The following MICU3 variants were observed in gnomAD, a reference collection of about 807,000 sequenced individuals.
The protein encoded by MICU3 is calcium uptake protein 3, mitochondrial.
MICU3 carries 62 observed loss-of-function variants against 66.5 expected under a neutral mutation model. The observed-to-expected ratio is 0.93, with a 90% CI of 0.76 to 1.15. The LOEUF (loss-of-function observed/expected upper bound fraction) is 1.15, where lower values mean the gene tolerates loss of function less well. MICU3 is among the 50% of genes most tolerant of loss of function. MICU3 has a pLI of 0.00. For missense variants in MICU3, 779 were observed against 664.4 expected (o/e 1.17, Z -1.90); for synonymous variants, 308 against 240.7 (o/e 1.28, Z -2.59).
chr8:17,041,923 A>C (rs1814184116), intron 1 of MICU3, among the ~76,000 whole-genome samples: 1 of 152,208 alleles, frequency 6.6e-6, no homozygotes, highest in African/African-American at 2.4e-5. Context: ...TATGCGGAGT[A>C]ACTATGATAG....
At chr8:17,117,287 C>T (rs761968395) in intron 13 of MICU3, among the ~76,000 whole-genome samples, 2 of 152,110 alleles carry the variant, frequency 1.3e-5, no homozygotes, top group Non-Finnish European at 2.9e-5. Flanking sequence ...CACTATTTCT[C>T]ATTTTAGATG....
At chr8:17,113,861 T>C (rs755213589) in intron 11 of MICU3, among the ~76,000 whole-genome samples, 1 of 152,170 alleles carries the variant, frequency 6.6e-6, no homozygotes, top group Non-Finnish European at 1.5e-5. Flanking sequence ...CACGACAGTG[T>C]TTACAAAATA....
chr8:17,105,363 C>T (rs767982662), intron 10 of MICU3, 50 bp from the exon 11 acceptor site: 12 of 1,146,288 alleles, frequency 1.0e-5, no homozygotes, highest in Admixed American at 2.6e-5. Context: ...TCTCCTGTTA[C>T]GATTACTCTT....
At chr8:17,131,373 T>C in the MICU3 span, 1 of 145,618 alleles carries the variant, frequency 6.9e-6, no homozygotes, top group Admixed American at 7.0e-5. Context: ...TAAGTGGGAG[T>C]TGCTAGAAGT....
intron 9 of MICU3, among the ~76,000 whole-genome samples, chr8:17,103,532 G>A (rs1158917661): frequency 6.6e-6 from 1 of 151,516 alleles, no homozygotes; most frequent in African/African-American, 2.4e-5. Flanking sequence ...TGAATTTTAT[G>A]CTTTTTGTAC....
At chr8:17,128,747 G>C in the MICU3 span, among the ~76,000 whole-genome samples, 1 of 152,164 alleles carries the variant, frequency 6.6e-6, no homozygotes, top group Non-Finnish European at 1.5e-5. Context: ...GCAGAAGTAA[G>C]TGGAGCCCAG....
At chr8:17,084,145 T>C (rs1821600638) in intron 5 of MICU3, among the ~76,000 whole-genome samples, 1 of 152,084 alleles carries the variant, frequency 6.6e-6, no homozygotes. Context: ...GGCTACATAA[T>C]CTTGGTTACC....
chr8:17,111,174 T>C (rs1802176795), intron 11 of MICU3, among the ~76,000 whole-genome samples: 1 of 152,198 alleles, frequency 6.6e-6, no homozygotes, highest in Admixed American at 6.5e-5. Context: ...CCTTTGCCCA[T>C]TTTTAAATTA....
the MICU3 span, among the ~76,000 whole-genome samples, chr8:17,130,081 G>C: frequency 6.6e-6 from 1 of 152,320 alleles, no homozygotes; most frequent in African/African-American, 2.4e-5. Flanking sequence ...AATGTAACCA[G>C]CAGACCTGCA....
chr8:17,053,681 A>G (rs1338204145), intron 1 of MICU3, among the ~76,000 whole-genome samples: 1 of 152,200 alleles, frequency 6.6e-6, no homozygotes, highest in African/African-American at 2.4e-5. Flanking sequence ...TTACCTAAAA[A>G]GAATTATTAC....
chr8:17,088,474 A>G (rs1799705914), intron 7 of MICU3, among the ~76,000 whole-genome samples: 1 of 152,134 alleles, frequency 6.6e-6, no homozygotes, highest in Admixed American at 6.5e-5. Context: ...GTAAACAGTT[A>G]TTTTAATTTT....
chr8:17,092,490 A>AT (rs1316343067), intron 8 of MICU3, among the ~76,000 whole-genome samples: 2 of 151,862 alleles, frequency 1.3e-5, no homozygotes, highest in Non-Finnish European at 2.9e-5. Context: ...TTATTGTAAT[A>AT]TTTTTTCTTT....
intron 3 of MICU3, among the ~76,000 whole-genome samples, chr8:17,074,735 CTATAATA>C (rs1393134062): frequency 6.6e-6 from 1 of 151,354 alleles, no homozygotes; most frequent in African/African-American, 2.4e-5. Flanking sequence ...ACTAATTTTT[CTATAATA>C]TATATCTATT....
intron 1 of MICU3, among the ~76,000 whole-genome samples, chr8:17,060,964 G>A (rs1817743035): frequency 1.3e-5 from 2 of 152,184 alleles, no homozygotes; most frequent in South Asian, 4.2e-4. Flanking sequence ...GTAAAGTGGA[G>A]TTTTAATGAA....
chr8:17,090,098 A>G (rs1799887877), intron 7 of MICU3, among the ~76,000 whole-genome samples: 1 of 152,034 alleles, frequency 6.6e-6, no homozygotes, highest in Admixed American at 6.6e-5. Context: ...AAACAGTCTT[A>G]GAGAGATTCA....
intron 7 of MICU3, among the ~76,000 whole-genome samples, chr8:17,090,226 G>A (rs569925978): frequency 1.1e-4 from 17 of 152,104 alleles, no homozygotes; most frequent in Admixed American, 5.2e-4. Flanking sequence ...GTAGCATTGC[G>A]GAAGCATGTC....
chr8:17,060,775 A>G (rs1393272129), intron 1 of MICU3, among the ~76,000 whole-genome samples: 3 of 151,024 alleles, frequency 2.0e-5, no homozygotes, highest in South Asian at 2.1e-4. Context: ...TATCTCTTTT[A>G]TACATATTCT....
the MICU3 span, among the ~76,000 whole-genome samples, chr8:17,128,084 G>C: frequency 6.6e-6 from 1 of 152,130 alleles, no homozygotes; most frequent in South Asian, 2.1e-4. Context: ...ATGGAGAGGA[G>C]AGATTGCCCT....
intron 9 of MICU3, among the ~76,000 whole-genome samples, chr8:17,103,342 C>T (rs1345535808): frequency 1.3e-5 from 2 of 151,820 alleles, no homozygotes; most frequent in African/African-American, 2.4e-5. Flanking sequence ...GAAGACTGAT[C>T]CTTTGTAGAG....
Sources: allele counts gnomAD v4.1 joint callset (sites outside exome capture counted in the v4.1 genomes callset), GRCh38; gene constraint gnomAD v4.1.1; transcripts MANE v1.5; gene names NCBI Gene and HGNC (gene_info 2026-07-23, HGNC 2026-07-21).